Variants in TMEM232 observed in about 807,000 individuals in gnomAD.
The protein encoded by TMEM232 is transmembrane protein 232.
In TMEM232, 80 loss-of-function variants were observed where a neutral mutation model predicts 78.8. That is an observed-to-expected ratio of 1.01 (90% CI 0.85 to 1.22). TMEM232 has a LOEUF of 1.22. Among genes scored for constraint, TMEM232 ranks in the 50% most tolerant of loss-of-function variants. The pLI, the probability that TMEM232 is intolerant of heterozygous loss-of-function variation, is 0.00. For synonymous variants in TMEM232, 297 were observed against 254.3 expected (o/e 1.17, Z -1.60); for missense variants, 881 against 742.2 (o/e 1.19, Z -2.17).
intron 1 of TMEM232, 109 bp from the exon 2 acceptor site, chr5:110,667,473 G>A: frequency 3.8e-5 from 30 of 792,650 alleles, no homozygotes; most frequent in Middle Eastern, 4.0e-4. Context: ...ACTAAAGTTA[G>A]GCTTAAGAAT....
At position 110,488,839 on chromosome 5, in the gene TMEM232, G is replaced by A. The variant is rs548991820; in HGVS notation, c.1703+39749C>T. Among the ~76,000 whole-genome samples the A allele has an allele frequency of 1.6e-3, 247 of 151,936 alleles. 1 individual carries two copies. Among genetic ancestry groups the A allele is most frequent in the African/African-American group, 5.8e-3 (242 of 41,490 alleles). Reference sequence around the variant, plus strand: ...CATTAACCTAGCATAAAAAATAGAAGTTTCAAAATTTTTAAATGAGAATGA... The same window carrying A: ...CATTAACCTAGCATAAAAAATAGAAATTTCAAAATTTTTAAATGAGAATGA... On this transcript the variant is annotated intron_variant, in intron 12 of 13. Transcript: ENST00000455884.
intron 12 of TMEM232, among the ~76,000 whole-genome samples, chr5:110,499,615 A>C: frequency 7.2e-6 from 1 of 139,298 alleles, no homozygotes; most frequent in African/African-American, 3.2e-5. Flanking sequence ...GAGGGGAAAA[A>C]TATATGTATA....
intron 12 of TMEM232, among the ~76,000 whole-genome samples, chr5:110,463,407 T>A (rs1237701867): frequency 6.6e-6 from 1 of 152,248 alleles, no homozygotes; most frequent in Non-Finnish European, 1.5e-5. Context: ...TTATATGCAC[T>A]GGGGAATAAC....
chr5:110,642,219 A>G (rs1786832568), intron 3 of TMEM232, 41 bp downstream of exon 3: 1 of 1,261,340 alleles, frequency 7.9e-7, no homozygotes. Context: ...CCAACTAGAA[A>G]GGAAGTTAAC....
chr5:110,718,400 T>C (rs149304475), intron 1 of TMEM232, among the ~76,000 whole-genome samples: 45 of 152,274 alleles, frequency 3.0e-4, no homozygotes, highest in African/African-American at 1.1e-3. Context: ...CATTTCTGGA[T>C]AGCTGTTAAT....
At position 110,627,762 on chromosome 5, in the gene TMEM232, A is replaced by G; in HGVS notation, c.601+19T>C. On this transcript the variant is annotated intron_variant, in intron 6 of 13. Coordinates refer to ENST00000455884, the MANE Select transcript of TMEM232 (RefSeq NM_001039763.4). ...ATAACATAAAACATTTATAAGTGTAAAAATAAAAGATATTCTACCGTATAA... is the reference window on the plus strand; with the variant it reads ...ATAACATAAAACATTTATAAGTGTAGAAATAAAAGATATTCTACCGTATAA... 2 of 1,407,296 alleles carry G rather than the reference A, an allele frequency of 1.4e-6. No individual in the cohort carries two copies. The highest frequency in any genetic ancestry group is 1.9e-6 in the Non-Finnish European group (2 of 1,048,300). The allele number at this position is 1,407,296 out of a possible 1,614,324, so 87.2% of individuals were successfully genotyped here.
chr5:110,467,406 C>A (rs911761001), intron 12 of TMEM232, among the ~76,000 whole-genome samples: 1 of 152,162 alleles, frequency 6.6e-6, no homozygotes, highest in Non-Finnish European at 1.5e-5. Flanking sequence ...AACTGAATAA[C>A]GGATGAGTTT....
chr5:110,687,736 A>G (rs1211796516), intron 1 of TMEM232, among the ~76,000 whole-genome samples: 1 of 151,960 alleles, frequency 6.6e-6, no homozygotes, highest in Non-Finnish European at 1.5e-5. Context: ...ATGTGTGTGT[A>G]TATACACACA....
intron 1 of TMEM232, among the ~76,000 whole-genome samples, chr5:110,722,412 A>G (rs1797736511): frequency 6.6e-6 from 1 of 152,142 alleles, no homozygotes; most frequent in Admixed American, 6.6e-5. Flanking sequence ...ATCTAAGTTC[A>G]GTCAGTCCTG....
At position 110,528,616 on chromosome 5, in the gene TMEM232, T is replaced by C. The variant is rs557820137; in HGVS notation, c.1675A>G (p.Lys559Glu). 3.7e-5 allele frequency: 56 copies of C among 1,531,648 alleles called. No homozygotes were observed. The South Asian group carries it at 6.4e-4, about 17-fold the overall frequency. The allele number at this position is 1,531,648 out of a possible 1,614,324, so 94.9% of individuals were successfully genotyped here. A position where few individuals can be genotyped will look rare whatever the true frequency, so the allele number is the denominator to read the frequency against. Reference protein sequence around the residue: ...KYPNKKLESVKKQVLHFTVRE... With the variant: ...KYPNKKLESVEKQVLHFTVRE... ...ACAGTGAAATGTAGAACTTGCTTTT[T>C]CACAGACTCCAGCTTTTTATTTGGA... The change falls in exon 12 of 14, where the codon AAA becomes GAA. Residue 559 changes from lysine (K) to glutamate (E), a missense_variant. By Grantham distance (56) the Lys-to-Glu change is moderately conservative. Coordinates refer to ENST00000455884, the MANE Select transcript of TMEM232 (RefSeq NM_001039763.4).
intron 12 of TMEM232, among the ~76,000 whole-genome samples, chr5:110,493,727 G>C (rs996413007): frequency 6.6e-6 from 1 of 151,820 alleles, no homozygotes; most frequent in African/African-American, 2.4e-5. Context: ...AAAAAGTACA[G>C]ACACATATTT....
At chr5:110,663,747 G>A (rs753183608) in intron 2 of TMEM232, among the ~76,000 whole-genome samples, 5 of 110,490 alleles carry the variant, frequency 4.5e-5, no homozygotes, top group African/African-American at 8.9e-5. Flanking sequence ...GTGTGTGTAT[G>A]TGTGTGTGTG....
At chr5:110,587,685 ATATATATGTGTGTGTGTGTGTGTGTGTG>A (rs1292188759) in intron 10 of TMEM232, among the ~76,000 whole-genome samples, 1 of 90,672 alleles carries the variant, frequency 1.1e-5, no homozygotes, top group African/African-American at 5.6e-5. Flanking sequence ...ATATATATAT[ATATATATGTGTGTGTGTGTGTGTGTGTG>A]TGTGTGTGTG....
intron 1 of TMEM232, among the ~76,000 whole-genome samples, chr5:110,710,933 A>G (rs1024398670): frequency 2.0e-5 from 3 of 152,218 alleles, no homozygotes; most frequent in African/African-American, 7.2e-5. Context: ...GACAAGAGAA[A>G]GAAACAAAGG....
chr5:110,576,242 G>A (rs971325050), intron 10 of TMEM232, among the ~76,000 whole-genome samples: 7 of 151,850 alleles, frequency 4.6e-5, no homozygotes, highest in East Asian at 1.9e-4. Flanking sequence ...CACCAAAAGC[G>A]GTCCAGCCTA....
At chr5:110,406,760 A>C (rs780041964) in intron 2 of TMEM232, among the ~76,000 whole-genome samples, 1 of 152,094 alleles carries the variant, frequency 6.6e-6, no homozygotes, top group Non-Finnish European at 1.5e-5. Flanking sequence ...AAAATATATT[A>C]AAAATATCAT....
At chr5:110,532,168 C>T (rs1771598025) in intron 11 of TMEM232, among the ~76,000 whole-genome samples, 1 of 152,108 alleles carries the variant, frequency 6.6e-6, no homozygotes, top group Non-Finnish European at 1.5e-5. Flanking sequence ...CAGGATTCCT[C>T]CTAAGCCGTA....
chr5:110,615,464 G>A (rs547147087), intron 8 of TMEM232, among the ~76,000 whole-genome samples: 14 of 151,968 alleles, frequency 9.2e-5, no homozygotes, highest in Non-Finnish European at 1.9e-4. Flanking sequence ...TCTCTGATCA[G>A]TTTCCTCAGA....
At chr5:110,642,020 G>A (rs1426992482) in intron 3 of TMEM232, among the ~76,000 whole-genome samples, 1 of 151,896 alleles carries the variant, frequency 6.6e-6, no homozygotes, top group Non-Finnish European at 1.5e-5. Context: ...AAATTTATTT[G>A]CCAGACTTAA....
Sources: allele counts gnomAD v4.1 joint callset (sites outside exome capture counted in the v4.1 genomes callset), GRCh38; gene constraint gnomAD v4.1.1; transcripts MANE v1.5; gene names NCBI Gene and HGNC (gene_info 2026-07-23, HGNC 2026-07-21).